ABHD3: variants seen among roughly 807,000 people sequenced by gnomAD.
ABHD3 encodes abhydrolase domain containing 3, phospholipase.
ABHD3 carries 46 observed loss-of-function variants against 48.8 expected under a neutral mutation model. The observed-to-expected ratio is 0.94, with a 90% CI of 0.74 to 1.20. ABHD3 has a LOEUF of 1.20. Among genes scored for constraint, ABHD3 ranks in the 50% most tolerant of loss-of-function variants. The probability of loss-of-function intolerance (pLI) is 0.00; values close to 1 mark genes in which losing one functional copy is unlikely to be tolerated. For missense variants in ABHD3, 490 were observed against 497.8 expected (o/e 0.98, Z 0.15); for synonymous variants, 192 against 183.7 (o/e 1.04, Z -0.36).
chr18:21,677,486 G>C (rs1225751548), intron 4 of ABHD3, among the ~76,000 whole-genome samples: 1 of 151,494 alleles, frequency 6.6e-6, no homozygotes, highest in East Asian at 2.0e-4. Flanking sequence ...AATTACAGGC[G>C]TGAGCCACTA....
intron 3 of ABHD3, among the ~76,000 whole-genome samples, chr18:21,686,940 T>G (rs1451948845): frequency 2.0e-5 from 3 of 152,158 alleles, no homozygotes; most frequent in Admixed American, 6.5e-5. Context: ...TCTTTAGAGA[T>G]AAGGTCTCAC....
intron 8 of ABHD3, among the ~76,000 whole-genome samples, chr18:21,654,570 G>A (rs2039301943): frequency 6.6e-6 from 1 of 152,192 alleles, no homozygotes; most frequent in Admixed American, 6.5e-5. Context: ...TTGGGATCAG[G>A]TGTGGGAACT....
In ABHD3 at chr18:21,692,217, T is replaced by C. The variant is rs577769261; in HGVS notation, c.510-8252A>G. Reference sequence around the variant, plus strand: ...CACCTGCCTCAGCCTCCCAAAGTGCTGGGATTATAGGCGTGAGCCACCGCA... The same window carrying C: ...CACCTGCCTCAGCCTCCCAAAGTGCCGGGATTATAGGCGTGAGCCACCGCA... On this transcript the variant is annotated intron_variant, in intron 3 of 8. Coordinates refer to ENST00000289119, the MANE Select transcript of ABHD3 (RefSeq NM_138340.5). 3.3e-5 allele frequency among the ~76,000 whole-genome samples: 5 copies of C among 152,312 alleles called. No homozygotes were observed. The East Asian group carries it at 9.6e-4, about 29-fold the overall frequency.
intron 4 of ABHD3, chr18:21,682,694 G>C (rs988650520): frequency 6.6e-6 from 1 of 152,184 alleles, no homozygotes; most frequent in Non-Finnish European, 1.5e-5. Context: ...AACGAGCTTG[G>C]CTTTGCAGCA....
Position 21,702,164 on chromosome 18 carries a change from A to G in ABHD3, c.509+152T>C, listed in dbSNP as rs2040526841. Reference sequence around the variant, plus strand: ...TCAGTTATGCATCTTCCTGAAAAGAAAGAGGAAAAAAAGAATGCAGAGAAA... The same window carrying G: ...TCAGTTATGCATCTTCCTGAAAAGAGAGAGGAAAAAAAGAATGCAGAGAAA... On this transcript the variant is annotated intron_variant, in intron 3 of 8. Transcript: ENST00000289119. The G allele has an allele frequency of 9.0e-6, 6 of 663,010 alleles. No homozygotes were observed. In the South Asian group the frequency reaches 1.5e-4, roughly 16 times the overall value. 41.1% of individuals were successfully genotyped at this position (663,010 alleles called of 1,614,324 possible). A position where few individuals can be genotyped will look rare whatever the true frequency, so the allele number is the denominator to read the frequency against.
At chr18:21,674,640 C>A (rs2039835130) in intron 4 of ABHD3, among the ~76,000 whole-genome samples, 1 of 152,272 alleles carries the variant, frequency 6.6e-6, no homozygotes, top group East Asian at 1.9e-4. Context: ...TTCACACCTA[C>A]ACCTGGCTGA....
Position 21,702,629 on chromosome 18 carries a change from A to G in ABHD3, c.327-131T>C, listed in dbSNP as rs1598570260. The G allele has an allele frequency of 2.2e-5, 16 of 713,758 alleles. No individual in the cohort carries two copies. In the East Asian group the frequency reaches 3.5e-4, roughly 16 times the overall value. 44.2% of individuals were successfully genotyped at this position (713,758 alleles called of 1,614,324 possible). On this transcript the variant is annotated intron_variant, in intron 2 of 8. Coordinates refer to ENST00000289119, the MANE Select transcript of ABHD3 (RefSeq NM_138340.5). The stretch of plus-strand genomic sequence containing the variant: ...TTCCAGCATTCACGAACACACACCC[A>G]TATCTCGATCTACATATCATTTTCT...
chr18:21,659,416 G>A (rs2039433030), intron 5 of ABHD3, 73 bp from the exon 6 acceptor site: 1 of 1,445,632 alleles, frequency 6.9e-7, no homozygotes, highest in Admixed American at 2.2e-5. Flanking sequence ...TCTAACTACA[G>A]ACTTTATGTT....
intron 4 of ABHD3, among the ~76,000 whole-genome samples, chr18:21,668,200 C>CAAAAAAAAAAAAAAAAAAAAAAAAAA (rs747590942): frequency 3.3e-5 from 2 of 61,352 alleles, no homozygotes; most frequent in African/African-American, 7.5e-5. Flanking sequence ...GAATCTATCT[C>CAAAAAAAAAAAAAAAAAAAAAAAAAA]AAAAAAAAAA....
intron 4 of ABHD3, among the ~76,000 whole-genome samples, chr18:21,671,302 A>G (rs1165477858): frequency 6.6e-6 from 1 of 152,170 alleles, no homozygotes; most frequent in African/African-American, 2.4e-5. Context: ...CCAACAGGAA[A>G]CATCATCTGT....
rs770299120 is a variant in ABHD3, at chr18:21,664,147, A to C, written c.639T>G (p.Pro213=). ...CCATTGAAACCCCTGCTGCCAGGAA[A>C]GGAGCAGAAGGGTACAGGCTGTGTA... ...HHVHSLYPSA[P]FLAAGVSMGG... is the part of the protein sequence containing the mutation. The change falls in exon 5 of 9, where the codon CCT becomes CCG. Residue 213 remains proline, a synonymous_variant. Coordinates refer to ENST00000289119, the MANE Select transcript of ABHD3 (RefSeq NM_138340.5). The C allele has an allele frequency of 6.2e-7, 1 of 1,613,028 alleles. No individual in the cohort carries two copies. The highest frequency in any genetic ancestry group is 1.1e-5 in the South Asian group (1 of 90,678).
chr18:21,684,480 G>A (rs947091786), intron 3 of ABHD3, among the ~76,000 whole-genome samples: 1 of 151,472 alleles, frequency 6.6e-6, no homozygotes, highest in African/African-American at 2.4e-5. Flanking sequence ...CACCATGCGC[G>A]GCTAATTTTT....
chr18:21,690,996 C>CAAAAAAAAAAAAAAAAAAAAAAAAAAAA (rs34425997), intron 3 of ABHD3, among the ~76,000 whole-genome samples: 1 of 63,228 alleles, frequency 1.6e-5, no homozygotes, highest in Non-Finnish European at 3.1e-5. Context: ...GACTCTGTCT[C>CAAAAAAAAAAAAAAAAAAAAAAAAAAAA]AAAAAAAAAA....
At chr18:21,672,163 ATC>A (rs1463428483) in intron 4 of ABHD3, among the ~76,000 whole-genome samples, 1 of 152,172 alleles carries the variant, frequency 6.6e-6, no homozygotes, top group East Asian at 1.9e-4. Flanking sequence ...GATTTAGAAA[ATC>A]TGTTTCAGAA....
At chr18:21,655,621 C>A (rs1185351480) in intron 8 of ABHD3, among the ~76,000 whole-genome samples, 1 of 151,890 alleles carries the variant, frequency 6.6e-6, no homozygotes, top group African/African-American at 2.4e-5. Context: ...AGGCGGATCG[C>A]CTGAGGTCAG....
intron 3 of ABHD3, chr18:21,701,492 C>A (rs1422309486): frequency 2.6e-5 from 4 of 152,208 alleles, no homozygotes; most frequent in African/African-American, 9.7e-5. Flanking sequence ...GCATGAGCCA[C>A]TGTGACCAGC....
At chr18:21,652,445 C>T (rs769620920) in intron 8 of ABHD3, among the ~76,000 whole-genome samples, 13 of 151,046 alleles carry the variant, frequency 8.6e-5, no homozygotes, top group African/African-American at 1.9e-4. Flanking sequence ...AGAGAAAGAA[C>T]GAGAATGAAA....
rs1208402671 is a variant in ABHD3, at chr18:21,703,745, T to C, written c.165A>G (p.Lys55=). 1 of 1,612,374 alleles carries C rather than the reference T, an allele frequency of 6.2e-7. No individual in the cohort carries two copies. Among genetic ancestry groups the C allele is most frequent in the East Asian group, 2.2e-5 (1 of 44,796 alleles). ...TCTCACCCCCGGTCACTAACTGGGGTTTCTGAAGGGAAAAGCAGTATCAGA... is the reference window on the plus strand; with the variant it reads ...TCTCACCCCCGGTCACTAACTGGGGCTTCTGAAGGGAAAAGCAGTATCAGA... The part of the protein sequence containing the change: ...AFYYLSSIAK[K]PQLVTGGESF... Residue 55 remains lysine, a splice_region_variant and synonymous_variant, in exon 2 of 9, where the codon AAA becomes AAG. Coordinates refer to ENST00000289119, the MANE Select transcript of ABHD3 (RefSeq NM_138340.5).
intron 3 of ABHD3, among the ~76,000 whole-genome samples, chr18:21,694,504 G>A (rs2040324013): frequency 2.0e-5 from 3 of 152,302 alleles, no homozygotes; most frequent in Admixed American, 2.0e-4. Context: ...CAGTAGGTGG[G>A]CTCTGCAATG....
Sources: gnomAD v4.1 joint callset for allele counts (sites outside exome capture counted in the v4.1 genomes callset) on GRCh38, gnomAD v4.1.1 for gene constraint, MANE v1.5 for transcripts, NCBI Gene and HGNC (gene_info 2026-07-23, HGNC 2026-07-21) for gene names.